Variants in ARFGEF3 observed in about 807,000 individuals in gnomAD.
ARFGEF3 encodes the protein brefeldin A-inhibited guanine nucleotide-exchange protein 3.
In ARFGEF3, 96 loss-of-function variants were observed where a neutral mutation model predicts 221.7. The observed-to-expected ratio is 0.43, with a 90% CI of 0.37 to 0.51. The LOEUF (loss-of-function observed/expected upper bound fraction) is 0.51, where lower values mean the gene tolerates loss of function less well. Ranked by LOEUF, ARFGEF3 falls within the 20% of genes least tolerant of loss-of-function variation. The probability of loss-of-function intolerance (pLI) is 0.00; values close to 1 mark genes in which losing one functional copy is unlikely to be tolerated. For missense variants in ARFGEF3, 2,410 were observed against 2,789.9 expected (o/e 0.86, Z 3.07); for synonymous variants, 1,145 against 1,126.8 (o/e 1.02, Z -0.32).
At chr6:138,282,528 C>T (rs544186230) in intron 14 of ARFGEF3, among the ~76,000 whole-genome samples, 4 of 152,266 alleles carry the variant, frequency 2.6e-5, no homozygotes, top group Admixed American at 6.5e-5. Flanking sequence ...ATGTAGAATT[C>T]GGGGCGAGGC....
chr6:138,184,461 T>TGAA (rs1777143264), intron 2 of ARFGEF3, among the ~76,000 whole-genome samples: 1 of 152,294 alleles, frequency 6.6e-6, no homozygotes, highest in Non-Finnish European at 1.5e-5. Context: ...GATTAAGGTT[T>TGAA]CCCCGCTCCT....
chr6:138,170,232 T>C (rs1776801367), intron 1 of ARFGEF3, among the ~76,000 whole-genome samples: 1 of 151,918 alleles, frequency 6.6e-6, no homozygotes, highest in South Asian at 2.1e-4. Flanking sequence ...ATGAGAATAA[T>C]AAGATGTTGT....
At chr6:138,317,052 G>C (rs1779937774) in intron 26 of ARFGEF3, among the ~76,000 whole-genome samples, 199 bp from the exon 27 acceptor site, 1 of 152,202 alleles carries the variant, frequency 6.6e-6, no homozygotes, top group Non-Finnish European at 1.5e-5. Context: ...AATGTGAGCA[G>C]TATTTTTCCC....
At chr6:138,317,581 G>C (rs1779948816) in intron 27 of ARFGEF3, among the ~76,000 whole-genome samples, 2 of 152,198 alleles carry the variant, frequency 1.3e-5, no homozygotes, top group African/African-American at 4.8e-5. Flanking sequence ...TGTCTTCCTA[G>C]AAGTCTGGTT....
At chr6:138,231,229 A>C (rs1778184314) in intron 5 of ARFGEF3, among the ~76,000 whole-genome samples, 1 of 152,182 alleles carries the variant, frequency 6.6e-6, no homozygotes, top group Non-Finnish European at 1.5e-5. Flanking sequence ...GAGTATCTGG[A>C]AGCCAAAATA....
rs764033295 is a variant in ARFGEF3, at chr6:138,286,843, C to G, written c.2712C>G (p.Asn904Lys). ...GAGCTGAAGGCATCAAAGAGCAGAACCAGAAGGAGCGGGACGCCATCTGCA... is the reference window on the plus strand; with the variant it reads ...GAGCTGAAGGCATCAAAGAGCAGAAGCAGAAGGAGCGGGACGCCATCTGCA... ...ILGAEGIKEQ[N>K]QKERDAICMS... Residue 904 changes from asparagine to lysine, a missense_variant, in exon 16 of 34, where the codon AAC becomes AAG. Physicochemically the swap from Asn to Lys is moderately conservative, Grantham distance 94 (BLOSUM62 0). This residue lies in a region of ARFGEF3 where 594 missense variants were observed against 734.3 expected (regional missense o/e 0.81). Coordinates refer to ENST00000251691, the MANE Select transcript of ARFGEF3 (RefSeq NM_020340.5). 1.2e-6 allele frequency: 2 copies of G among 1,614,000 alleles called. No homozygotes were observed. The highest frequency in any genetic ancestry group is 1.3e-5 in the African/African-American group (1 of 75,058).
intron 31 of ARFGEF3, among the ~76,000 whole-genome samples, chr6:138,326,890 G>C (rs1780135789): frequency 6.6e-6 from 1 of 152,196 alleles, no homozygotes; most frequent in Non-Finnish European, 1.5e-5. Context: ...ACTGGATAAA[G>C]AAAATGTGGT....
At chr6:138,230,500 C>T (rs1778171548) in intron 5 of ARFGEF3, among the ~76,000 whole-genome samples, 1 of 152,166 alleles carries the variant, frequency 6.6e-6, no homozygotes, top group Non-Finnish European at 1.5e-5. Flanking sequence ...AGAATATCTA[C>T]AGGATTTGTA....
At chr6:138,242,097 A>G (rs1164770642) in intron 6 of ARFGEF3, among the ~76,000 whole-genome samples, 2 of 152,204 alleles carry the variant, frequency 1.3e-5, no homozygotes, top group Non-Finnish European at 2.9e-5. Context: ...TGAGCTTGCA[A>G]ATTAATGAGC....
chr6:138,219,772 T>A (rs1471113385), intron 4 of ARFGEF3, among the ~76,000 whole-genome samples: 1 of 151,964 alleles, frequency 6.6e-6, no homozygotes, highest in African/African-American at 2.4e-5. Context: ...ATATTTATAT[T>A]TAAATTTTGA....
At position 138,334,240 on chromosome 6, in the gene ARFGEF3, T is replaced by C; in HGVS notation, c.5394T>C (p.Ser1798=). The change falls in exon 33 of 34, where the codon TCT becomes TCC. Residue 1798 remains serine (S), a synonymous_variant. Coordinates refer to ENST00000251691, the MANE Select transcript of ARFGEF3 (RefSeq NM_020340.5). The surrounding 1 kb of genome is among the most constrained non-coding windows in gnomAD (Gnocchi z 5.1). ...PGLKCLLKKV[S]GIGGAANLYR... ...TGAAGTGCCTGCTGAAGAAAGTGTC[T>C]GGCATCGGGGGCGCCGCCAACCTCT... The C allele has an allele frequency of 6.2e-7, 1 of 1,613,758 alleles. No individual in the cohort carries two copies. The highest frequency in any genetic ancestry group is 8.5e-7 in the Non-Finnish European group (1 of 1,179,824).
chr6:138,264,954 A>G (rs1167360677), intron 12 of ARFGEF3, among the ~76,000 whole-genome samples: 2 of 143,486 alleles, frequency 1.4e-5, no homozygotes, highest in Non-Finnish European at 3.0e-5. Context: ...CCCAGGCTGG[A>G]GTCCAGTGGT....
rs1291549634 is a variant in ARFGEF3, at chr6:138,230,689, A to G, written c.420+837A>G. Among the ~76,000 whole-genome samples the G allele has an allele frequency of 3.3e-5, 5 of 152,220 alleles. No homozygotes were observed. The South Asian group carries it at 8.3e-4, about 25-fold the overall frequency. On this transcript the variant is annotated intron_variant, in intron 5 of 33. Transcript: ENST00000251691. ...GAAAATTAAGAGAAAATTATTTTTG[A>G]GCGTGTAGAAAATTTTTATGTGACT... is the stretch of plus-strand genomic sequence containing the variant.
intron 10 of ARFGEF3, among the ~76,000 whole-genome samples, chr6:138,256,736 AT>A (rs563590601): frequency 6.6e-6 from 1 of 152,070 alleles, no homozygotes; most frequent in African/African-American, 2.4e-5. Flanking sequence ...CTTCACATAT[AT>A]TTTTTTAATT....
At chr6:138,325,927 G>A (rs931351458) in intron 31 of ARFGEF3, among the ~76,000 whole-genome samples, 12 of 151,666 alleles carry the variant, frequency 7.9e-5, no homozygotes, top group Non-Finnish European at 1.2e-4. Flanking sequence ...GTGTGATCTC[G>A]GCTCACAGCA....
rs888425815 is a variant in ARFGEF3 at position 138,291,438 on chromosome 6, C to T, written c.3048-295C>T. 6.6e-6 allele frequency among the ~76,000 whole-genome samples: 1 copy of T among 152,150 alleles called. No homozygotes were observed. Among genetic ancestry groups the T allele is most frequent in the African/African-American group, 2.4e-5 (1 of 41,420 alleles). ...AGATAAGCCAGTAAGCCGGATGAGG[C>T]AGGGGGACTGGATGAACTGGGCTTC... On this transcript the variant is annotated intron_variant, in intron 18 of 33. Coordinates refer to ENST00000251691, the MANE Select transcript of ARFGEF3 (RefSeq NM_020340.5). The surrounding 1 kb of genome is among the most constrained non-coding windows in gnomAD (Gnocchi z 4.5).
intron 2 of ARFGEF3, among the ~76,000 whole-genome samples, chr6:138,198,783 G>A (rs373660268): frequency 2.6e-5 from 4 of 152,254 alleles, no homozygotes; most frequent in African/African-American, 9.6e-5. Context: ...ATTATCACTC[G>A]AAATAAGAAA....
chr6:138,223,700 G>A (rs1047080360), intron 4 of ARFGEF3, among the ~76,000 whole-genome samples: 1 of 152,078 alleles, frequency 6.6e-6, no homozygotes, highest in Non-Finnish European at 1.5e-5. Flanking sequence ...CATTTTGATG[G>A]TACCCTTTTC....
intron 8 of ARFGEF3, 80 bp downstream of exon 8, chr6:138,245,671 A>G: frequency 2.9e-6 from 3 of 1,032,424 alleles, no homozygotes; most frequent in Non-Finnish European, 4.5e-6. Context: ...ATCACTTCAA[A>G]TTATGGATTG....
Sources: gnomAD v4.1 joint callset for allele counts (sites outside exome capture counted in the v4.1 genomes callset) on GRCh38, gnomAD v4.1.1 for gene constraint, gnomAD v4.1.1 regional missense constraint, Gnocchi (gnomAD v3.1) non-coding constraint, MANE v1.5 for transcripts, NCBI Gene and HGNC (gene_info 2026-07-23, HGNC 2026-07-21) for gene names.